The following THEM5 variants were observed in gnomAD, a reference collection of about 807,000 sequenced individuals.
THEM5 encodes the protein thioesterase superfamily member 5.
THEM5 carries 28 observed loss-of-function variants against 24.2 expected under a neutral mutation model. That is an observed-to-expected ratio of 1.16 (90% CI 0.86 to 1.59). The LOEUF is 1.59. Among genes scored for constraint, THEM5 ranks in the 40% most tolerant of loss-of-function variants. THEM5 has a pLI of 0.00. For missense variants in THEM5, 260 were observed against 296.8 expected, an observed-to-expected ratio of 0.88 and a Z score of 0.91; for synonymous variants, 87 against 114.5, an observed-to-expected ratio of 0.76 and a Z score of 1.53.
At chr1:151,848,524 G>A (rs564594606) in intron 3 of THEM5, among the ~76,000 whole-genome samples, 6 of 152,318 alleles carry the variant, frequency 3.9e-5, no homozygotes, top group East Asian at 1.9e-4. Context: ...TTCAGCATGC[G>A]TTTGCAGCCA....
intron 3 of THEM5, among the ~76,000 whole-genome samples, chr1:151,848,566 TG>T (rs1304784173): frequency 6.6e-6 from 1 of 152,278 alleles, no homozygotes; most frequent in Non-Finnish European, 1.5e-5. Flanking sequence ...TCAGGGAAAT[TG>T]TTTTTTTCTG....
intron 1 of THEM5, 101 bp from the exon 2 acceptor site, chr1:151,852,560 C>T (rs1653159369): frequency 1.8e-6 from 2 of 1,101,198 alleles, no homozygotes; most frequent in Non-Finnish European, 2.7e-6. Flanking sequence ...TGGGGCTTCT[C>T]AATCCCTTCT....
rs1233875801 is a variant in THEM5 at position 151,848,385 on chromosome 1, ACCTTTC to A, written c.465-99_465-94del. 5.0e-6 allele frequency: 5 copies of A among 993,758 alleles called. No individual in the cohort carries two copies. The African/African-American group carries it at 6.4e-5, about 13-fold the overall frequency. The allele number at this position is 993,758 out of a possible 1,614,324, so 61.6% of individuals were successfully genotyped here. ...CTTCCCTCCCTCCTGTGGTGATCCTACCTTTCCCTTTCCCTAGACCCTTCCAAACAC... is the reference window on the plus strand; with the variant it reads ...CTTCCCTCCCTCCTGTGGTGATCCTACCTTTCCCTAGACCCTTCCAAACAC... On this transcript the variant is annotated intron_variant, in intron 3 of 5. Coordinates refer to ENST00000368817, the MANE Select transcript of THEM5 (RefSeq NM_182578.4).
chr1:151,850,126 C>T (rs1197927142), intron 3 of THEM5: 1 of 152,402 alleles, frequency 6.6e-6, no homozygotes, highest in Non-Finnish European at 1.5e-5. Flanking sequence ...CCTCTGGAGG[C>T]CCTGACATCT....
At position 151,852,399 on chromosome 1, in the gene THEM5, A is replaced by G. The variant is rs753871648; in HGVS notation, c.184T>C (p.Trp62Arg). The part of the protein sequence containing the change: ...LKDYALPNAS[W>R]CSDMLSLYQE... ...TACAGGCTCAGCATGTCCGAACACC[A>G]GCTGGCATTGGGAAGAGCATAATCC... Residue 62 changes from tryptophan to arginine, a missense_variant, in exon 2 of 6, where the codon TGG becomes CGG. Trp to Arg is a moderately radical substitution (Grantham distance 101). Coordinates refer to ENST00000368817, the MANE Select transcript of THEM5 (RefSeq NM_182578.4). 1.9e-6 allele frequency: 3 copies of G among 1,614,134 alleles called. No homozygotes were observed. The South Asian group carries it at 3.3e-5, about 18-fold the overall frequency.
chr1:151,852,139 G>T, intron 2 of THEM5, 119 bp downstream of exon 2: 2 of 965,512 alleles, frequency 2.1e-6, no homozygotes, highest in Non-Finnish European at 3.3e-6. Context: ...CATCAGGGGT[G>T]GAGTTGGACA....
intron 3 of THEM5, among the ~76,000 whole-genome samples, chr1:151,850,776 A>G (rs1278953624): frequency 6.6e-6 from 1 of 152,196 alleles, no homozygotes; most frequent in Non-Finnish European, 1.5e-5. Context: ...GCCCTCTTCC[A>G]AGTGTACCAC....
Position 151,853,503 on chromosome 1 carries a change from G to T in THEM5, c.63C>A (p.Ala21=), listed in dbSNP as rs1397240710. 1.9e-6 allele frequency: 3 copies of T among 1,613,826 alleles called. No individual in the cohort carries two copies. The African/African-American group carries it at 4.0e-5, about 22-fold the overall frequency. Residue 21 remains alanine (A), a synonymous_variant, in exon 1 of 6, where the codon GCC becomes GCA. Coordinates refer to ENST00000368817, the MANE Select transcript of THEM5 (RefSeq NM_182578.4). ...GGTTGAGTCTGGGCAGGATACGGGG[G>T]GCCTCAAGAAGGCCTCTGTGGTGGC... The part of the protein sequence containing the change: ...RLGHHRGLLE[A]PRILPRLNPA...
chr1:151,848,274 G>A lies in THEM5; in HGVS notation c.483C>T (p.Ser161=). ...AGGTCTCGTCCATCATGGCTGCCAGGGACCCGCCGTGAGCAAACCTGGGGG... is the reference window on the plus strand; with the variant it reads ...AGGTCTCGTCCATCATGGCTGCCAGAGACCCGCCGTGAGCAAACCTGGGGG... ...EGPPGFAHGG[S]LAAMMDETFS... is the part of the protein sequence containing the mutation. Residue 161 remains serine (S), a synonymous_variant, in exon 4 of 6, where the codon TCC becomes TCT. Transcript: ENST00000368817. The A allele has an allele frequency of 6.2e-7, 1 of 1,613,408 alleles. No individual in the cohort carries two copies. Among genetic ancestry groups the A allele is most frequent in the Non-Finnish European group, 8.5e-7 (1 of 1,179,468 alleles).
chr1:151,853,370 G>A, intron 1 of THEM5, 73 bp downstream of exon 1: 1 of 1,524,410 alleles, frequency 6.6e-7, no homozygotes, highest in Non-Finnish European at 8.8e-7. Flanking sequence ...GCTGGGAAGA[G>A]GAGATTTGGG....
At chr1:151,852,912 T>C (rs1199006989) in intron 1 of THEM5, among the ~76,000 whole-genome samples, 1 of 152,138 alleles carries the variant, frequency 6.6e-6, no homozygotes, top group African/African-American at 2.4e-5. Context: ...TTGAGGACCA[T>C]TCTAGCAACC....
At chr1:151,849,788 G>A (rs1653056830) in intron 3 of THEM5, among the ~76,000 whole-genome samples, 1 of 152,154 alleles carries the variant, frequency 6.6e-6, no homozygotes, top group Non-Finnish European at 1.5e-5. Flanking sequence ...TGGATCTACA[G>A]AGTAGCTCTT....
chr1:151,847,193 G>T lies in THEM5; in HGVS notation c.*178C>A. 1 of 965,652 alleles carries T rather than the reference G, an allele frequency of 1.0e-6. No individual in the cohort carries two copies. The allele number at this position is 965,652 out of a possible 1,614,324, so 59.8% of individuals were successfully genotyped here. The stretch of plus-strand genomic sequence containing the variant: ...AGGACCCCTCCCTGCTCTTTGATGG[G>T]TCCCAGGCAGGCAGGGGAGGCAGGA... On this transcript the variant is annotated 3_prime_UTR_variant, in exon 6 of 6. Transcript: ENST00000368817.
rs1174002042 is a variant in THEM5, at chr1:151,853,410, A to G, written c.123+33T>C. The G allele has an allele frequency of 3.7e-6, 6 of 1,604,016 alleles. No homozygotes were observed. The Admixed American group carries it at 1.0e-4, about 27-fold the overall frequency. ...TCCTTAAGCCCTAGGCTCCTGGGAA[A>G]ACACTGCCCATCTGGCTGAGCTGGG... On this transcript the variant is annotated intron_variant, in intron 1 of 5. Coordinates refer to ENST00000368817, the MANE Select transcript of THEM5 (RefSeq NM_182578.4).
chr1:151,850,927 G>GA (rs1653097161), intron 3 of THEM5, 126 bp downstream of exon 3: 1 of 1,227,308 alleles, frequency 8.1e-7, no homozygotes. Flanking sequence ...CTGAAGCCTA[G>GA]TGCCCCACAC....
At chr1:151,847,473 G>A in intron 5 of THEM5, 59 bp from the exon 6 acceptor site, 1 of 1,606,412 alleles carries the variant, frequency 6.2e-7, no homozygotes, top group South Asian at 1.1e-5. Flanking sequence ...GGAGCTTGAT[G>A]GACACTCTGA....
At chr1:151,851,262 A>G (rs1653111625) in intron 2 of THEM5, 71 bp from the exon 3 acceptor site, 4 of 1,593,776 alleles carry the variant, frequency 2.5e-6, no homozygotes, top group Admixed American at 1.7e-5. Context: ...CATTTGGTTG[A>G]GTCTTGCCTC....
Position 151,849,241 on chromosome 1 carries a change from G to A in THEM5, c.465-949C>T, listed in dbSNP as rs564620060. ...CAAAATTAAAAAAAAAAAAAAAAGC[G>A]TAAAATGTTCATTCTTGCTTTTGCA... On this transcript the variant is annotated intron_variant, in intron 3 of 5. Coordinates refer to ENST00000368817, the MANE Select transcript of THEM5 (RefSeq NM_182578.4). Among the ~76,000 whole-genome samples the A allele has an allele frequency of 2.7e-4, 41 of 149,962 alleles. No homozygotes were observed. The South Asian group carries it at 4.4e-3, about 16-fold the overall frequency.
At position 151,853,649 on chromosome 1, in the gene THEM5, C is replaced by T; in HGVS notation, c.-84G>A. The T allele has an allele frequency of 6.8e-7, 1 of 1,466,270 alleles. No homozygotes were observed. Among genetic ancestry groups the T allele is most frequent in the African/African-American group, 1.4e-5 (1 of 70,416 alleles). The allele number at this position is 1,466,270 out of a possible 1,614,324, so 90.8% of individuals were successfully genotyped here. ...GTGCTTTCAGCTGCACTTGGGGCCG[C>T]TTCTCTCCCTTCTGTTGCAGGCTTT... On this transcript the variant is annotated 5_prime_UTR_variant, in exon 1 of 6. Coordinates refer to ENST00000368817, the MANE Select transcript of THEM5 (RefSeq NM_182578.4).
Sources: gnomAD v4.1 joint callset for allele counts (sites outside exome capture counted in the v4.1 genomes callset) on GRCh38, gnomAD v4.1.1 for gene constraint, MANE v1.5 for transcripts, NCBI Gene and HGNC (gene_info 2026-07-23, HGNC 2026-07-21) for gene names.